Variants in SSX1 observed in about 807,000 individuals in gnomAD.
SSX1 encodes protein SSX1.
Under a neutral mutation model 14.6 loss-of-function variants are expected in SSX1, and 58 were observed. The observed-to-expected ratio is 3.96, with a 90% CI of 3.21 to 4.93. The LOEUF (loss-of-function observed/expected upper bound fraction) is 4.93, where lower values mean the gene tolerates loss of function less well. Ranked by LOEUF, SSX1 falls within the 30% of genes most tolerant of loss-of-function variation. The probability of loss-of-function intolerance (pLI) is 0.00; values close to 1 mark genes in which losing one functional copy is unlikely to be tolerated. For synonymous variants in SSX1, 46 were observed against 52.1 expected, an observed-to-expected ratio of 0.88 and a Z score of 0.50; for missense variants, 272 against 143.1, an observed-to-expected ratio of 1.90 and a Z score of -4.60.
intron 6 of SSX1, among the ~76,000 whole-genome samples, chrX:48,264,501 TA>T (rs1440952077): frequency 8.9e-6 from 1 of 112,660 alleles, no homozygotes; most frequent in East Asian, 2.8e-4. Flanking sequence ...AATTTATTGT[TA>T]AAAAATGCTA....
rs1350964929 is a variant in SSX1 at position 48,255,404 on chromosome X, G to C, written c.-49G>C. The C allele has an allele frequency of 9.0e-6, 1 of 110,864 alleles. No individual in the cohort carries two copies. Among genetic ancestry groups the C allele is most frequent in the African/African-American group, 3.3e-5 (1 of 30,420 alleles). The allele number at this position is 110,864 out of a possible 1,213,427, so 9.1% of individuals were successfully genotyped here. ...CTGCCAACTCGCCACCACTGCTGCC[G>C]ACCTCGCAACCACTGCTTTGTCTCT... On this transcript the variant is annotated 5_prime_UTR_variant, in exon 1 of 8. Transcript: ENST00000376919.
chrX:48,258,684 A>C, intron 4 of SSX1, 53 bp downstream of exon 4: 1 of 965,577 alleles, frequency 1.0e-6, no homozygotes, highest in Non-Finnish European at 1.5e-6. Context: ...ATTGCTTTTC[A>C]GCTCAGCTAC....
intron 5 of SSX1, 59 bp downstream of exon 5, chrX:48,261,874 A>G (rs2059605325): frequency 1.7e-6 from 2 of 1,160,798 alleles, no homozygotes; most frequent in Admixed American, 2.3e-5. Context: ...GGATGTGAAC[A>G]CTGATAAGAC....
chrX:48,255,619 T>C (rs1429241685), intron 1 of SSX1, among the ~76,000 whole-genome samples, 187 bp downstream of exon 1: 12 of 102,096 alleles, frequency 1.2e-4, no homozygotes, highest in African/African-American at 4.3e-4. Context: ...AGGCCTGTAT[T>C]ATCCCACCCC....
Position 48,261,763 on chromosome X carries a change from C to G in SSX1, c.281-3C>G, listed in dbSNP as rs2059604540. On this transcript the variant is annotated splice_polypyrimidine_tract_variant and splice_region_variant and intron_variant, in intron 4 of 7. Coordinates refer to ENST00000376919, the MANE Select transcript of SSX1 (RefSeq NM_005635.4). The stretch of plus-strand genomic sequence containing the variant: ...AGAAAAATTCTGATGTGTTCTCTTT[C>G]AGTTGAACATCCTCAGATGACTTTC... The G allele has an allele frequency of 7.4e-6, 9 of 1,210,852 alleles. No homozygotes were observed. Among genetic ancestry groups the G allele is most frequent in the Non-Finnish European group, 1.0e-5 (9 of 894,716 alleles).
chrX:48,257,846 C>G lies in SSX1; in HGVS notation c.170C>G (p.Ala57Gly). 8.5e-7 allele frequency: 1 copy of G among 1,179,353 alleles called. No homozygotes were observed. Among genetic ancestry groups the G allele is most frequent in the Non-Finnish European group, 1.1e-6 (1 of 871,013 alleles). ...GTGTATATGAAGAGAAACTATAAGG[C>G]CATGACTAAACTAGGTAACAGAAAG... The part of the protein sequence containing the change: ...SYVYMKRNYK[A>G]MTKLGFKVTL... The change falls in exon 3 of 8, where the codon GCC becomes GGC. Residue 57 changes from alanine to glycine, a missense_variant. Ala to Gly is a moderately conservative substitution (Grantham distance 60). Transcript: ENST00000376919.
intron 7 of SSX1, 67 bp from the exon 8 acceptor site, chrX:48,266,787 T>A: frequency 2.8e-6 from 2 of 708,626 alleles, no homozygotes; most frequent in Non-Finnish European, 4.4e-6. Flanking sequence ...TCAGGAGGAG[T>A]TGAGGTTGAG....
chrX:48,267,061 G>T lies in SSX1; in HGVS notation c.*212G>T. On this transcript the variant is annotated 3_prime_UTR_variant, in exon 8 of 8. Coordinates refer to ENST00000376919, the MANE Select transcript of SSX1 (RefSeq NM_005635.4). ...GTATTTTCTTACAGTGTGCCATTCT[G>T]TTAGATACTATCCTTATAATTGATG... The T allele has an allele frequency of 6.5e-6, 3 of 459,641 alleles. No individual in the cohort carries two copies. Among genetic ancestry groups the T allele is most frequent in the Non-Finnish European group, 1.1e-5 (3 of 262,368 alleles). The allele number at this position is 459,641 out of a possible 1,213,427, so 37.9% of individuals were successfully genotyped here. A position where few individuals can be genotyped will look rare whatever the true frequency, so the allele number is the denominator to read the frequency against.
intron 3 of SSX1, 141 bp downstream of exon 3, chrX:48,258,001 T>G (rs2059589372): frequency 2.2e-6 from 1 of 454,182 alleles, no homozygotes; most frequent in Admixed American, 4.1e-5. Context: ...TTCTGGGGGT[T>G]CTGCTCTTCT....
At chrX:48,262,070 C>G (rs1365831398) in intron 5 of SSX1, among the ~76,000 whole-genome samples, 1 of 112,047 alleles carries the variant, frequency 8.9e-6, no homozygotes, top group Non-Finnish European at 1.9e-5. Flanking sequence ...CATAAGAAGA[C>G]CTCTATGACA....
intron 2 of SSX1, 110 bp downstream of exon 2, chrX:48,257,420 G>A: frequency 8.6e-7 from 1 of 1,168,669 alleles, no homozygotes; most frequent in South Asian, 2.0e-5. Flanking sequence ...AGGGTCTCGG[G>A]GGAGATCTGG....
intron 1 of SSX1, among the ~76,000 whole-genome samples, chrX:48,256,463 T>TG (rs2059582134): frequency 1.3e-5 from 1 of 79,361 alleles, no homozygotes; most frequent in African/African-American, 4.6e-5. Context: ...TTGTTTTTTT[T>TG]TTTTTTTTTT....
chrX:48,256,055 G>C (rs1224048879), intron 1 of SSX1, among the ~76,000 whole-genome samples: 3 of 107,536 alleles, frequency 2.8e-5, no homozygotes, highest in Non-Finnish European at 5.8e-5. Context: ...TTTTAGTAGA[G>C]ACAGGGTTTC....
chrX:48,258,690 G>T (rs1347537928), intron 4 of SSX1, 59 bp downstream of exon 4: 1 of 934,502 alleles, frequency 1.1e-6, no homozygotes, highest in Non-Finnish European at 1.5e-6. Context: ...TTTCAGCTCA[G>T]CTACCTGGGA....
intron 1 of SSX1, among the ~76,000 whole-genome samples, chrX:48,256,924 A>G (rs2059584085): frequency 9.1e-6 from 1 of 110,011 alleles, no homozygotes; most frequent in East Asian, 2.9e-4. Flanking sequence ...GGGTCTGTAC[A>G]TCTTTCAGGG....
At chrX:48,263,634 C>T in intron 5 of SSX1, 148 bp from the exon 6 acceptor site, 1 of 799,114 alleles carries the variant, frequency 1.3e-6, no homozygotes, top group South Asian at 2.5e-5. Context: ...TTCTAATCTC[C>T]CAGGTTTGTC....
rs1255299150 is a variant in SSX1 at position 48,266,742 on chromosome X, G to A, written c.*5-112G>A. 7.2e-6 allele frequency: 4 copies of A among 557,748 alleles called. No homozygotes were observed. The Admixed American group carries it at 1.1e-4, about 16-fold the overall frequency. 46.0% of individuals were successfully genotyped at this position (557,748 alleles called of 1,213,427 possible). ...CATGGAAGGCGTGTCCAGGTCCTGG[G>A]GTAGGGCAGAATCAGAGTGTGCAGG... On this transcript the variant is annotated intron_variant, in intron 7 of 7. Transcript: ENST00000376919.
intron 1 of SSX1, among the ~76,000 whole-genome samples, chrX:48,256,532 C>T (rs1362517873): frequency 4.2e-4 from 38 of 89,677 alleles, no homozygotes; most frequent in Non-Finnish European, 7.5e-4. Flanking sequence ...ACCTCCTGGG[C>T]TCAAGAGATC....
intron 4 of SSX1, 106 bp downstream of exon 4, chrX:48,258,737 GGTTGAGT>G: frequency 1.6e-6 from 1 of 628,728 alleles, no homozygotes; most frequent in Non-Finnish European, 2.4e-6. Flanking sequence ...TACACATCAG[GGTTGAGT>G]GAAAAAAAAA....
Sources: allele counts gnomAD v4.1 joint callset (sites outside exome capture counted in the v4.1 genomes callset), GRCh38; gene constraint gnomAD v4.1.1; transcripts MANE v1.5; gene names NCBI Gene and HGNC (gene_info 2026-07-23, HGNC 2026-07-21).